The following LIMS1 variants were observed in gnomAD, a reference collection of about 807,000 sequenced individuals.
LIMS1 encodes LIM zinc finger domain containing 1, also known as LIM and senescent cell antigen-like-containing domain protein 1.
In LIMS1, 18 loss-of-function variants were observed where a neutral mutation model predicts 44.1. That is an observed-to-expected ratio of 0.41 (90% confidence interval 0.28 to 0.61). The LOEUF (loss-of-function observed/expected upper bound fraction) is 0.61, where lower values mean the gene tolerates loss of function less well. Among genes scored for constraint, LIMS1 ranks in the 20% least tolerant of loss-of-function variants. The probability of loss-of-function intolerance (pLI) is 0.32; values close to 1 mark genes in which losing one functional copy is unlikely to be tolerated. For synonymous variants in LIMS1, 93 were observed against 149.1 expected (o/e 0.62, Z 2.74); for missense variants, 201 against 422.0 (o/e 0.48, Z 4.59).
At position 108,612,514 on chromosome 2, in the gene LIMS1, A is replaced by C. The variant is rs1016446691; in HGVS notation, c.33-47091A>C. Among the ~76,000 whole-genome samples, 16 of 151,604 alleles carry C rather than the reference A, an allele frequency of 1.1e-4. No homozygotes were observed. In the East Asian group the frequency reaches 2.7e-3, roughly 26 times the overall value. On this transcript the variant is annotated intron_variant, in intron 1 of 9. Coordinates refer to ENST00000544547, the Ensembl canonical transcript of LIMS1. ...ACTGTTGGAAACATTGAATAATTCC[A>C]TGTACTCTAAAAGGAAATAAAGTCT...
At chr2:108,611,556 A>G (rs1273346958) in intron 1 of LIMS1, among the ~76,000 whole-genome samples, 1 of 152,116 alleles carries the variant, frequency 6.6e-6, no homozygotes, top group Non-Finnish European at 1.5e-5. Context: ...AGTAGAACAT[A>G]GTTCCCTAGA....
chr2:108,592,597 T>C (rs1344908594), intron 1 of LIMS1, among the ~76,000 whole-genome samples: 1 of 152,212 alleles, frequency 6.6e-6, no homozygotes, highest in Non-Finnish European at 1.5e-5. Flanking sequence ...CAGCTGTTTA[T>C]GGTCTTTCTT....
At chr2:108,645,017 T>C (rs1366174856) in intron 1 of LIMS1, among the ~76,000 whole-genome samples, 2 of 152,046 alleles carry the variant, frequency 1.3e-5, no homozygotes, top group Non-Finnish European at 2.9e-5. Context: ...ACCAGATCTT[T>C]GTTTGATTGG....
chr2:108,684,626 A>C (rs190586709), exon 10 of LIMS1: 1 of 151,684 alleles, frequency 6.6e-6, no homozygotes, highest in East Asian at 2.0e-4. Context: ...TTCTTCCTTC[A>C]AATGATTACT....
intron 1 of LIMS1, among the ~76,000 whole-genome samples, chr2:108,616,334 C>G (rs1413042035): frequency 6.6e-6 from 1 of 151,432 alleles, no homozygotes; most frequent in Admixed American, 6.6e-5. Context: ...ATCTCAGTCT[C>G]CCTCGTAGTT....
exon 10 of LIMS1, chr2:108,683,910 A>G: frequency 6.3e-7 from 1 of 1,595,450 alleles, no homozygotes; most frequent in Non-Finnish European, 8.5e-7. Context: ...GTTTGACATG[A>G]AGCCAGTCTG....
At chr2:108,623,548 T>C (rs1309224326) in intron 1 of LIMS1, among the ~76,000 whole-genome samples, 1 of 152,220 alleles carries the variant, frequency 6.6e-6, no homozygotes, top group Non-Finnish European at 1.5e-5. Context: ...CATTGTTTAA[T>C]TGTTATTGAG....
At chr2:108,550,200 A>T (rs892772782) in intron 1 of LIMS1, among the ~76,000 whole-genome samples, 3 of 152,096 alleles carry the variant, frequency 2.0e-5, no homozygotes, top group Non-Finnish European at 2.9e-5. Flanking sequence ...GTGTTTTTTT[A>T]AAAATAAACA....
chr2:108,679,214 C>T (rs770315062), intron 8 of LIMS1, among the ~76,000 whole-genome samples: 1 of 151,758 alleles, frequency 6.6e-6, no homozygotes, highest in Admixed American at 6.6e-5. Context: ...CTCAGTGGCT[C>T]ACGCCTGTGA....
At chr2:108,683,675 T>C (rs1454697716) in intron 9 of LIMS1, among the ~76,000 whole-genome samples, 2 of 152,078 alleles carry the variant, frequency 1.3e-5, no homozygotes, top group Non-Finnish European at 2.9e-5. Flanking sequence ...AACCAATTTA[T>C]AAGGACTTTT....
intron 1 of LIMS1, among the ~76,000 whole-genome samples, chr2:108,643,187 A>G (rs1689826028): frequency 6.6e-6 from 1 of 152,204 alleles, no homozygotes; most frequent in Non-Finnish European, 1.5e-5. Context: ...ACCTCTTAAG[A>G]AACGCCCTGG....
At chr2:108,552,478 ATACAT>A (rs1258443987) in intron 1 of LIMS1, among the ~76,000 whole-genome samples, 3 of 146,540 alleles carry the variant, frequency 2.0e-5, no homozygotes, top group Non-Finnish European at 4.5e-5. Context: ...TATAATAGTA[ATACAT>A]TACAGTTACA....
intron 1 of LIMS1, among the ~76,000 whole-genome samples, chr2:108,552,585 GGTGTGTGTGT>G (rs151262934): frequency 5.9e-5 from 6 of 101,864 alleles, no homozygotes; most frequent in Non-Finnish European, 6.6e-5. Flanking sequence ...ATATATTTTG[GGTGTGTGTGT>G]GTGTGTGTGT....
chr2:108,539,720 C>T (rs985308540), intron 1 of LIMS1, among the ~76,000 whole-genome samples: 4 of 152,006 alleles, frequency 2.6e-5, no homozygotes, highest in East Asian at 1.9e-4. Context: ...TTTTTAAAAT[C>T]GTGTATGTTT....
Position 108,677,867 on chromosome 2 carries a change from A to T in LIMS1, c.775-112A>T, listed in dbSNP as rs2438722. ...AAACTTGTCAAAGAACTTTTACTAA[A>T]TTTCTCTAGTAGTGATAAATCCTCA... is the stretch of plus-strand genomic sequence containing the variant. On this transcript the variant is annotated intron_variant, in intron 7 of 9. Transcript: ENST00000544547. 955 of 1,483,642 alleles carry T rather than the reference A, an allele frequency of 6.4e-4. 1 individual carries two copies. Among genetic ancestry groups the T allele is most frequent in the Admixed American group, 1.3e-3 (55 of 42,562 alleles). 91.9% of individuals were successfully genotyped at this position (1,483,642 alleles called of 1,614,324 possible). A position where few individuals can be genotyped will look rare whatever the true frequency, so the allele number is the denominator to read the frequency against.
chr2:108,546,906 G>A (rs980212603), intron 1 of LIMS1, among the ~76,000 whole-genome samples: 5 of 152,064 alleles, frequency 3.3e-5, no homozygotes, highest in African/African-American at 4.8e-5. Flanking sequence ...GAAGTATAAC[G>A]TTTTGCTTTT....
intron 1 of LIMS1, among the ~76,000 whole-genome samples, chr2:108,626,969 G>A (rs769819850): frequency 1.3e-5 from 2 of 152,298 alleles, no homozygotes; most frequent in South Asian, 2.1e-4. Context: ...AGATTACAAG[G>A]AAGTTGCCCT....
At chr2:108,536,645 A>T (rs964449307) in intron 1 of LIMS1, among the ~76,000 whole-genome samples, 1 of 152,208 alleles carries the variant, frequency 6.6e-6, no homozygotes, top group Non-Finnish European at 1.5e-5. Context: ...CAGTAGCATG[A>T]TCATGACTTA....
intron 1 of LIMS1, among the ~76,000 whole-genome samples, chr2:108,595,052 A>G (rs977246156): frequency 3.3e-5 from 5 of 152,210 alleles, no homozygotes; most frequent in African/African-American, 1.2e-4. Context: ...CTGCTCTTGA[A>G]AGAATGTGAC....
Sources: gnomAD v4.1 joint callset for allele counts (sites outside exome capture counted in the v4.1 genomes callset) on GRCh38, gnomAD v4.1.1 for gene constraint, MANE v1.5 for transcripts, NCBI Gene and HGNC (gene_info 2026-07-23, HGNC 2026-07-21) for gene names.